RMI1: variants seen among roughly 807,000 people sequenced by gnomAD.
The protein encoded by RMI1 is recQ-mediated genome instability protein 1.
In RMI1, 36 loss-of-function variants were observed where a neutral mutation model predicts 46.7. The ratio of observed to expected loss-of-function variants is 0.77; its 90% CI spans 0.59 to 1.02. RMI1 has a LOEUF of 1.02. Ranked by LOEUF, RMI1 falls within the 50% of genes least tolerant of loss-of-function variation. The pLI is 0.00. For missense variants in RMI1, 676 were observed against 713.7 expected, an observed-to-expected ratio of 0.95 and a Z score of 0.60; for synonymous variants, 250 against 252.9, an observed-to-expected ratio of 0.99 and a Z score of 0.11.
In RMI1 at chr9:83,987,838, A is replaced by G. The variant is rs114682174; in HGVS notation, c.-126+6947A>G. 6.3e-3 allele frequency among the ~76,000 whole-genome samples: 956 copies of G among 152,060 alleles called. 8 individuals are homozygous for G. The highest frequency in any genetic ancestry group is 0.021 in the African/African-American group (866 of 41,504). Reference sequence around the variant, plus strand: ...TTATTATTAAATAGTATTCCATTGTATGGATATTATCACAGTTTGTTTATC... The same window carrying G: ...TTATTATTAAATAGTATTCCATTGTGTGGATATTATCACAGTTTGTTTATC... On this transcript the variant is annotated intron_variant, in intron 1 of 2. Transcript: ENST00000445877.
In RMI1 at chr9:84,001,695, G is replaced by A; in HGVS notation, c.709G>A (p.Asp237Asn). 6.2e-7 allele frequency: 1 copy of A among 1,613,940 alleles called. No individual in the cohort carries two copies. The highest frequency in any genetic ancestry group is 8.5e-7 in the Non-Finnish European group (1 of 1,179,966). The change falls in exon 3 of 3, where the codon GAT becomes AAT. Residue 237 changes from aspartate to asparagine, a missense_variant. Asp to Asn is a conservative substitution (Grantham distance 23, BLOSUM62 1). Transcript: ENST00000445877. ...ENIPRVTDVL[D>N]PALGPSDEEL... ...CATTCCCAGAGTTACAGATGTTCTA[G>A]ATCCTGCATTAGGTCCTTCTGATGA...
intron 1 of RMI1, among the ~76,000 whole-genome samples, chr9:83,987,606 T>C (rs1457508946): frequency 6.6e-6 from 1 of 152,214 alleles, no homozygotes; most frequent in Non-Finnish European, 1.5e-5. Context: ...CGTCATGTTA[T>C]AGAACAATTC....
At position 84,001,703 on chromosome 9, in the gene RMI1, A is replaced by C. The variant is rs748797286; in HGVS notation, c.717A>C (p.Ala239=). The C allele has an allele frequency of 1.9e-6, 3 of 1,614,002 alleles. No individual in the cohort carries two copies. The stretch of plus-strand genomic sequence containing the variant: ...GAGTTACAGATGTTCTAGATCCTGC[A>C]TTAGGTCCTTCTGATGAAGAACTCT... ...IPRVTDVLDP[A]LGPSDEELLA... The change falls in exon 3 of 3, where the codon GCA becomes GCC. Residue 239 remains alanine (A), a synonymous_variant. Coordinates refer to ENST00000445877, the MANE Select transcript of RMI1 (RefSeq NM_001358291.2).
chr9:84,003,239 G>A lies in RMI1; in HGVS notation c.*375G>A, dbSNP rs1554707073. The A allele has an allele frequency of 5.9e-6, 1 of 168,826 alleles. No individual in the cohort carries two copies. Among genetic ancestry groups the A allele is most frequent in the Non-Finnish European group, 1.4e-5 (1 of 70,284 alleles). 10.5% of individuals were successfully genotyped at this position (168,826 alleles called of 1,614,324 possible). On this transcript the variant is annotated 3_prime_UTR_variant, in exon 3 of 3. Coordinates refer to ENST00000445877, the MANE Select transcript of RMI1 (RefSeq NM_001358291.2). Reference sequence around the variant, plus strand: ...ATAATTACTATTATTGTTTTGTAGGGACAGAGTTTTGCTATGTTGCCCAGA... The same window carrying A: ...ATAATTACTATTATTGTTTTGTAGGAACAGAGTTTTGCTATGTTGCCCAGA...
intron 1 of RMI1, among the ~76,000 whole-genome samples, chr9:83,996,238 C>T (rs1957651399): frequency 6.6e-6 from 1 of 152,228 alleles, no homozygotes; most frequent in African/African-American, 2.4e-5. Flanking sequence ...TTCTGGACCA[C>T]ACTACGTGTG....
Position 84,001,208 on chromosome 9 carries a change from A to G in RMI1, c.222A>G (p.Leu74=). Residue 74 remains leucine, a synonymous_variant, in exon 3 of 3, where the codon TTA becomes TTG. Coordinates refer to ENST00000445877, the MANE Select transcript of RMI1 (RefSeq NM_001358291.2). The part of the protein sequence containing the change: ...LEHPLLPDGI[L]EIPKGELNGF... ...ATCCTCTTTTACCCGATGGCATTTT[A>G]GAAATTCCAAAAGGAGAATTAAATG... is the stretch of plus-strand genomic sequence containing the variant. 1 of 1,614,164 alleles carries G rather than the reference A, an allele frequency of 6.2e-7. No individual in the cohort carries two copies. Among genetic ancestry groups the G allele is most frequent in the Non-Finnish European group, 8.5e-7 (1 of 1,180,002 alleles).
intron 1 of RMI1, among the ~76,000 whole-genome samples, chr9:83,982,876 T>C (rs935751832): frequency 6.6e-6 from 1 of 152,226 alleles, no homozygotes; most frequent in Non-Finnish European, 1.5e-5. Flanking sequence ...TCCATCCTTT[T>C]ATTCTCTGTT....
At chr9:83,989,516 G>A (rs1957537010) in intron 1 of RMI1, among the ~76,000 whole-genome samples, 1 of 152,062 alleles carries the variant, frequency 6.6e-6, no homozygotes, top group African/African-American at 2.4e-5. Context: ...TTTAAAATGG[G>A]CAAATGATCT....
intron 1 of RMI1, among the ~76,000 whole-genome samples, chr9:83,982,986 G>A (rs1232082699): frequency 6.6e-6 from 1 of 152,176 alleles, no homozygotes; most frequent in Non-Finnish European, 1.5e-5. Context: ...TGGTACAATG[G>A]TGTAATGGTG....
chr9:83,985,207 C>T (rs1340545345), intron 1 of RMI1, among the ~76,000 whole-genome samples: 2 of 152,136 alleles, frequency 1.3e-5, no homozygotes, highest in Non-Finnish European at 2.9e-5. Context: ...TAATAAGCTT[C>T]TCTTTCTAAT....
chr9:83,991,927 C>CTTTGT (rs1957580871), intron 1 of RMI1, among the ~76,000 whole-genome samples: 1 of 152,090 alleles, frequency 6.6e-6, no homozygotes, highest in Non-Finnish European at 1.5e-5. Flanking sequence ...AATCCTCCAA[C>CTTTGT]TTTGTTTTTC....
At chr9:83,987,822 A>G (rs1448423354) in intron 1 of RMI1, among the ~76,000 whole-genome samples, 2 of 152,218 alleles carry the variant, frequency 1.3e-5, no homozygotes, top group Admixed American at 1.3e-4. Flanking sequence ...TTTATTATTA[A>G]ATAGTATTCC....
At chr9:83,981,437 C>A (rs1389471328) in intron 1 of RMI1, among the ~76,000 whole-genome samples, 1 of 152,212 alleles carries the variant, frequency 6.6e-6, no homozygotes, top group Non-Finnish European at 1.5e-5. Flanking sequence ...AAAACCCTTG[C>A]CCTCAAACGT....
intron 1 of RMI1, among the ~76,000 whole-genome samples, chr9:83,991,909 A>G (rs1451193933): frequency 6.6e-6 from 1 of 152,208 alleles, no homozygotes; most frequent in Non-Finnish European, 1.5e-5. Flanking sequence ...TCGATGTTAT[A>G]TAGTGTGAAT....
chr9:83,999,586 C>G (rs758743493), intron 1 of RMI1, 123 bp from the exon 2 acceptor site: 6 of 152,212 alleles, frequency 3.9e-5, no homozygotes, highest in Non-Finnish European at 8.8e-5. Flanking sequence ...GTGTAACTTT[C>G]TCATGGTCTC....
intron 1 of RMI1, among the ~76,000 whole-genome samples, chr9:83,992,612 G>C (rs1195783960): frequency 6.6e-6 from 1 of 152,176 alleles, no homozygotes; most frequent in Non-Finnish European, 1.5e-5. Context: ...GTTTTTCACT[G>C]CTCTGCACAT....
intron 1 of RMI1, among the ~76,000 whole-genome samples, chr9:83,995,561 G>A (rs970063725): frequency 1.3e-5 from 2 of 151,966 alleles, no homozygotes; most frequent in South Asian, 4.1e-4. Flanking sequence ...CCAAGTAGCT[G>A]GGACTACAGG....
At chr9:83,996,426 T>C (rs1173615909) in intron 1 of RMI1, among the ~76,000 whole-genome samples, 1 of 152,222 alleles carries the variant, frequency 6.6e-6, no homozygotes, top group Non-Finnish European at 1.5e-5. Flanking sequence ...ACACTGTTTT[T>C]AGCTAAGTGC....
chr9:84,002,559 G>T lies in RMI1; in HGVS notation c.1573G>T (p.Gly525Cys). 6.2e-7 allele frequency: 1 copy of T among 1,613,950 alleles called. No individual in the cohort carries two copies. The highest frequency in any genetic ancestry group is 8.5e-7 in the Non-Finnish European group (1 of 1,179,890). The stretch of plus-strand genomic sequence containing the variant: ...CTTAACTGGAAATCTCTCAAGTTCT[G>T]GTGGTATTTGGAGTATAACTGCAAA... The part of the protein sequence containing the change: ...VTLTGNLSSS[G>C]GIWSITAKVS... The change falls in exon 3 of 3, where the codon GGT becomes TGT. Residue 525 changes from glycine (G) to cysteine (C), a missense_variant. Coordinates refer to ENST00000445877, the MANE Select transcript of RMI1 (RefSeq NM_001358291.2).
Sources: gnomAD v4.1 joint callset for allele counts (sites outside exome capture counted in the v4.1 genomes callset) on GRCh38, gnomAD v4.1.1 for gene constraint, MANE v1.5 for transcripts, NCBI Gene and HGNC (gene_info 2026-07-23, HGNC 2026-07-21) for gene names.